PTPRD: variants seen among roughly 807,000 people sequenced by gnomAD.
PTPRD encodes the protein protein tyrosine phosphatase receptor type D.
In PTPRD, 34 loss-of-function variants were observed where a neutral mutation model predicts 214.5. The ratio of observed to expected loss-of-function variants is 0.16; its 90% confidence interval spans 0.12 to 0.21. The LOEUF (loss-of-function observed/expected upper bound fraction) is 0.21. PTPRD is among the 10% of genes least tolerant of loss of function. The probability of loss-of-function intolerance (pLI) is 1.00; values close to 1 mark genes in which losing one functional copy is unlikely to be tolerated. For synonymous variants in PTPRD, 1,128 were observed against 845.7 expected (o/e 1.33, Z -5.79); for missense variants, 2,545 against 2,398.7 (o/e 1.06, Z -1.27).
chr9:10,268,452 T>C (rs2094223555), intron 3 of PTPRD, among the ~76,000 whole-genome samples: 1 of 152,108 alleles, frequency 6.6e-6, no homozygotes, highest in Non-Finnish European at 1.5e-5. Flanking sequence ...TTTCAGAGAA[T>C]ACGATTCCTT....
intron 8 of PTPRD, among the ~76,000 whole-genome samples, chr9:9,427,658 G>C (rs2081463935): frequency 6.6e-6 from 1 of 152,192 alleles, no homozygotes; most frequent in South Asian, 2.1e-4. Flanking sequence ...AGGGCAGCCA[G>C]AGAGAAAGGT....
At chr9:8,672,846 TG>T (rs1259189115) in intron 12 of PTPRD, among the ~76,000 whole-genome samples, 1 of 12,090 alleles carries the variant, frequency 8.3e-5, no homozygotes, top group African/African-American at 3.3e-4. Flanking sequence ...GTACTCTGTG[TG>T]GGGGGGGTGG....
chr9:8,501,205 A>AATG (rs1455584664), intron 23 of PTPRD, 146 bp from the exon 24 acceptor site: 2 of 650,372 alleles, frequency 3.1e-6, no homozygotes, highest in Non-Finnish European at 5.2e-6. Flanking sequence ...CTTAAATTCT[A>AATG]ATGACAAATT....
chr9:9,274,134 G>A (rs1944044603), intron 9 of PTPRD, among the ~76,000 whole-genome samples: 1 of 150,910 alleles, frequency 6.6e-6, no homozygotes, highest in Non-Finnish European at 1.5e-5. Context: ...AAGTCTTCCT[G>A]CTTCTTCACA....
intron 14 of PTPRD, among the ~76,000 whole-genome samples, chr9:8,545,262 G>T (rs1269983679): frequency 3.9e-5 from 6 of 152,120 alleles, no homozygotes; most frequent in Non-Finnish European, 8.8e-5. Flanking sequence ...CCTTGACAAA[G>T]ATAATATTGT....
At chr9:9,263,268 C>CT (rs2099980924) in intron 9 of PTPRD, among the ~76,000 whole-genome samples, 2 of 151,252 alleles carry the variant, frequency 1.3e-5, no homozygotes, top group Admixed American at 1.3e-4. Flanking sequence ...CATTTTTTGT[C>CT]TTTTTTTATA....
intron 9 of PTPRD, among the ~76,000 whole-genome samples, chr9:9,352,071 G>A (rs1441515048): frequency 6.6e-6 from 1 of 151,792 alleles, no homozygotes; most frequent in Non-Finnish European, 1.5e-5. Flanking sequence ...ACTTCCCAAA[G>A]TGCTGGGATT....
chr9:9,275,195 T>TAAC (rs1174355408), intron 9 of PTPRD, among the ~76,000 whole-genome samples: 1 of 10,170 alleles, frequency 9.8e-5, no homozygotes, highest in Non-Finnish European at 2.9e-4. Flanking sequence ...TATATATATA[T>TAAC]ATATTATATA....
intron 10 of PTPRD, among the ~76,000 whole-genome samples, chr9:9,173,122 T>G (rs2099922492): frequency 6.6e-6 from 1 of 152,096 alleles, no homozygotes. Flanking sequence ...AGCTCCCTCC[T>G]TAGGGTCTTT....
intron 43 of PTPRD, among the ~76,000 whole-genome samples, chr9:8,333,222 G>A (rs564078657): frequency 6.6e-6 from 1 of 152,250 alleles, no homozygotes; most frequent in African/African-American, 2.4e-5. Flanking sequence ...CTCTGTTTCT[G>A]GAAAAGATTT....
chr9:10,112,110 T>A lies in PTPRD; in HGVS notation c.-544-78320A>T, dbSNP rs1319507272. 8.5e-5 allele frequency among the ~76,000 whole-genome samples: 13 copies of A among 152,274 alleles called. No homozygotes were observed. In the South Asian group the frequency reaches 2.7e-3, roughly 32 times the overall value. ...CCTGAAGGGAAGAAGCATGCCAGAT[T>A]TCCCCTTTTGCCCTAAGTGCTTTTT... On this transcript the variant is annotated intron_variant, in intron 3 of 45. Coordinates refer to ENST00000381196, the MANE Select transcript of PTPRD (RefSeq NM_002839.4).
chr9:10,348,297 T>C (rs1256153056), intron 2 of PTPRD, among the ~76,000 whole-genome samples: 1 of 152,196 alleles, frequency 6.6e-6, no homozygotes, highest in Non-Finnish European at 1.5e-5. Context: ...GCCAATGATC[T>C]ACTTTCTCAA....
intron 35 of PTPRD, among the ~76,000 whole-genome samples, chr9:8,405,501 A>AT (rs2092882630): frequency 6.6e-6 from 1 of 152,134 alleles, no homozygotes; most frequent in South Asian, 2.1e-4. Flanking sequence ...ATTTAAAAAT[A>AT]TTTAAGTAGA....
At chr9:8,853,806 C>T (rs2097862046) in intron 11 of PTPRD, among the ~76,000 whole-genome samples, 2 of 152,128 alleles carry the variant, frequency 1.3e-5, no homozygotes, top group Non-Finnish European at 2.9e-5. Context: ...TTGCTTGAGG[C>T]AGTAAGCTGC....
chr9:8,477,442 C>A (rs1400728476), intron 30 of PTPRD, among the ~76,000 whole-genome samples: 4 of 152,044 alleles, frequency 2.6e-5, no homozygotes, highest in South Asian at 4.2e-4. Flanking sequence ...CATCAAGGGG[C>A]CCAGTTCCCC....
chr9:9,977,259 G>C (rs1053092866), intron 4 of PTPRD, among the ~76,000 whole-genome samples: 1 of 152,128 alleles, frequency 6.6e-6, no homozygotes, highest in Admixed American at 6.5e-5. Context: ...TTACCAATTT[G>C]AAGCTCAAAA....
intron 3 of PTPRD, among the ~76,000 whole-genome samples, chr9:10,150,383 C>A (rs1212598791): frequency 6.6e-6 from 1 of 152,006 alleles, no homozygotes; most frequent in Admixed American, 6.6e-5. Flanking sequence ...AAGCTGGAAA[C>A]CATCATTCTG....
At chr9:8,959,736 A>G (rs773192427) in intron 11 of PTPRD, among the ~76,000 whole-genome samples, 12 of 152,106 alleles carry the variant, frequency 7.9e-5, no homozygotes, top group Non-Finnish European at 1.3e-4. Context: ...TTCTTATCAA[A>G]TCCTCCACTA....
At chr9:9,451,172 A>G (rs1475878574) in intron 8 of PTPRD, among the ~76,000 whole-genome samples, 4 of 151,882 alleles carry the variant, frequency 2.6e-5, no homozygotes, top group Admixed American at 2.6e-4. Flanking sequence ...ATAAGGTGCA[A>G]TACACAGAAG....
Sources: allele counts gnomAD v4.1 joint callset (sites outside exome capture counted in the v4.1 genomes callset), GRCh38; gene constraint gnomAD v4.1.1; transcripts MANE v1.5; gene names NCBI Gene and HGNC (gene_info 2026-07-23, HGNC 2026-07-21).